GPR83: variants seen among roughly 807,000 people sequenced by gnomAD.
GPR83 encodes G-protein coupled receptor 72.
GPR83 carries 23 observed loss-of-function variants against 28.0 expected under a neutral mutation model. The ratio of observed to expected loss-of-function variants is 0.82; its 90% CI spans 0.59 to 1.16. The LOEUF is 1.16. GPR83 is among the 50% of genes most tolerant of loss of function. GPR83 has a pLI of 0.00. For synonymous variants in GPR83, 234 were observed against 215.4 expected, an observed-to-expected ratio of 1.09 and a Z score of -0.76; for missense variants, 610 against 536.6, an observed-to-expected ratio of 1.14 and a Z score of -1.35.
chr11:94,381,821 A>T (rs918556710), intron 3 of GPR83, among the ~76,000 whole-genome samples: 8 of 152,144 alleles, frequency 5.3e-5, no homozygotes, highest in Non-Finnish European at 7.4e-5. Context: ...GAGAAATAGG[A>T]AAGCCCAGTT....
At chr11:94,397,754 G>T (rs1944879448) in intron 1 of GPR83, among the ~76,000 whole-genome samples, 2 of 152,204 alleles carry the variant, frequency 1.3e-5, no homozygotes, top group African/African-American at 4.8e-5. Context: ...ACTGAAGAGG[G>T]ATTTGCACAT....
intron 3 of GPR83, among the ~76,000 whole-genome samples, chr11:94,383,299 C>T (rs1311107266): frequency 6.6e-6 from 1 of 152,004 alleles, no homozygotes; most frequent in Non-Finnish European, 1.5e-5. Context: ...AGAATGAAGA[C>T]ACAACGTACC....
intron 3 of GPR83, among the ~76,000 whole-genome samples, chr11:94,385,689 G>T (rs1239378447): frequency 6.6e-6 from 1 of 152,186 alleles, no homozygotes; most frequent in Non-Finnish European, 1.5e-5. Flanking sequence ...CAAGAAATAT[G>T]GGACTATGCG....
rs755990816 is a variant in GPR83 at position 94,400,872 on chromosome 11, G to C, written c.376C>G (p.Pro126Ala). The change falls in exon 1 of 4, where the codon CCC becomes GCC. Residue 126 changes from proline (P) to alanine (A), a missense_variant. Transcript: ENST00000243673. ...AGCGGGCCCCTTACCAAAGTGAAGG[G>C]GGTGTTGAGCAGCGTGATCATTATG... ...ADIMITLLNT[P>A]FTLVRFVNST... 7.4e-6 allele frequency: 12 copies of C among 1,613,858 alleles called. No individual in the cohort carries two copies. The highest frequency in any genetic ancestry group is 1.6e-4 in the Middle Eastern group (1 of 6,080).
chr11:94,395,585 G>A (rs1467578970), intron 2 of GPR83, among the ~76,000 whole-genome samples: 7 of 152,182 alleles, frequency 4.6e-5, no homozygotes, highest in South Asian at 2.1e-4. Context: ...AGGTCTAAGC[G>A]TACAACGTGA....
intron 3 of GPR83, among the ~76,000 whole-genome samples, chr11:94,392,739 T>C (rs1944829371): frequency 6.6e-6 from 1 of 151,952 alleles, no homozygotes; most frequent in Admixed American, 6.6e-5. Context: ...GGCAGGAGAA[T>C]TGCTTGAACC....
rs563754214 is a variant in GPR83, at chr11:94,399,720, A to C, written c.387+1141T>G. Among the ~76,000 whole-genome samples the C allele has an allele frequency of 2.0e-5, 3 of 152,356 alleles. No individual in the cohort carries two copies. In the East Asian group the frequency reaches 5.8e-4, roughly 29 times the overall value. The stretch of plus-strand genomic sequence containing the variant: ...CAAGGAGACAGACAGAGAGGGATTA[A>C]TAGATATTGCTTTAGTAATCACTCA... On this transcript the variant is annotated intron_variant, in intron 1 of 3. Coordinates refer to ENST00000243673, the MANE Select transcript of GPR83 (RefSeq NM_016540.4).
At position 94,380,761 on chromosome 11, in the gene GPR83, C is replaced by T. The variant is rs746724157; in HGVS notation, c.660G>A (p.Val220=). The change falls in exon 4 of 4, where the codon GTG becomes GTA. Residue 220 remains valine, a synonymous_variant. Transcript: ENST00000243673. ...GGAAGTCTGGCAGGCAGAGGGAGCGCACAATGTCCTCACTGGGGGCAGGAA... is the reference window on the plus strand; with the variant it reads ...GGAAGTCTGGCAGGCAGAGGGAGCGTACAATGTCCTCACTGGGGGCAGGAA... ...LFTFKYSEDI[V]RSLCLPDFPE... 26 of 1,608,504 alleles carry T rather than the reference C, an allele frequency of 1.6e-5. No homozygotes were observed. Among genetic ancestry groups the T allele is most frequent in the Admixed American group, 5.0e-5 (3 of 59,824 alleles).
chr11:94,396,589 G>C, intron 1 of GPR83, 65 bp from the exon 2 acceptor site: 1 of 1,559,542 alleles, frequency 6.4e-7, no homozygotes, highest in East Asian at 2.3e-5. Context: ...ATCCCTAGAG[G>C]TCTCTGAGGA....
intron 3 of GPR83, among the ~76,000 whole-genome samples, chr11:94,390,983 C>T (rs536310400): frequency 3.9e-5 from 6 of 152,242 alleles, no homozygotes; most frequent in East Asian, 1.9e-4. Flanking sequence ...CTTTAAAATT[C>T]GTATGGAACC....
intron 3 of GPR83, among the ~76,000 whole-genome samples, chr11:94,384,173 G>T (rs529802010): frequency 1.3e-5 from 2 of 152,184 alleles, no homozygotes; most frequent in East Asian, 1.9e-4. Flanking sequence ...ATGCAAGGCT[G>T]GTTCAACATA....
In GPR83 at chr11:94,397,352, T is replaced by C. The variant is rs544509313; in HGVS notation, c.388-828A>G. 3.9e-5 allele frequency among the ~76,000 whole-genome samples: 6 copies of C among 152,332 alleles called. No individual in the cohort carries two copies. In the East Asian group the frequency reaches 9.6e-4, roughly 24 times the overall value. The stretch of plus-strand genomic sequence containing the variant: ...GAGCATTGATTCTGATTAAGGAGTT[T>C]GCAGCCAGGGCAGAGGCGGGCTCAA... On this transcript the variant is annotated intron_variant, in intron 1 of 3. Coordinates refer to ENST00000243673, the MANE Select transcript of GPR83 (RefSeq NM_016540.4).
At chr11:94,400,500 A>G (rs1487589206) in intron 1 of GPR83, among the ~76,000 whole-genome samples, 3 of 151,178 alleles carry the variant, frequency 2.0e-5, no homozygotes, top group East Asian at 3.9e-4. Flanking sequence ...AGAAAAAGAG[A>G]TAACAGGTGA....
intron 3 of GPR83, among the ~76,000 whole-genome samples, chr11:94,391,772 G>A (rs1944819495): frequency 1.3e-5 from 2 of 152,160 alleles, no homozygotes; most frequent in South Asian, 4.1e-4. Context: ...ATTACAATGA[G>A]ATACAATCTC....
At position 94,377,789 on chromosome 11, in the gene GPR83, G is replaced by A. The variant is rs1274088329; in HGVS notation, c.*2360C>T. 3 of 152,166 alleles carry A rather than the reference G, an allele frequency of 2.0e-5. No individual in the cohort carries two copies. Among genetic ancestry groups the A allele is most frequent in the Non-Finnish European group, 4.4e-5 (3 of 68,022 alleles). 9.4% of individuals were successfully genotyped at this position (152,166 alleles called of 1,614,324 possible). On this transcript the variant is annotated 3_prime_UTR_variant, in exon 4 of 4. Transcript: ENST00000243673. ...GAGCATTTAAGGTAGGCTTGGCTAA[G>A]CTACGATGTTCAGTAGGTTGGGTGT...
Position 94,380,545 on chromosome 11 carries a change from C to T in GPR83, c.876G>A (p.Lys292=). 1 of 1,614,134 alleles carries T rather than the reference C, an allele frequency of 6.2e-7. No individual in the cohort carries two copies. The highest frequency in any genetic ancestry group is 8.5e-7 in the Non-Finnish European group (1 of 1,179,974). The part of the protein sequence containing the change: ...ALRRKKKKTI[K]MLMLVVVLFA... Reference sequence around the variant, plus strand: ...AGAGGACTACCACCAGCATCAACATCTTGATGGTCTTCTTCTTTTTGCGCC... The same window carrying T: ...AGAGGACTACCACCAGCATCAACATTTTGATGGTCTTCTTCTTTTTGCGCC... Residue 292 remains lysine (K), a synonymous_variant, in exon 4 of 4, where the codon AAG becomes AAA. Transcript: ENST00000243673.
chr11:94,378,294 C>T lies in GPR83; in HGVS notation c.*1855G>A, dbSNP rs1464982624. ...AGCAAGTTCAGTTTCAGTTAACAGC[C>T]AAGAGGTCTAAGTGACAAACTCTTT... On this transcript the variant is annotated 3_prime_UTR_variant, in exon 4 of 4. Transcript: ENST00000243673. The T allele has an allele frequency of 6.6e-6, 1 of 152,194 alleles. No individual in the cohort carries two copies. The highest frequency in any genetic ancestry group is 6.5e-5 in the Admixed American group (1 of 15,276). The allele number at this position is 152,194 out of a possible 1,614,324, so 9.4% of individuals were successfully genotyped here.
At chr11:94,392,051 T>C (rs1944821992) in intron 3 of GPR83, among the ~76,000 whole-genome samples, 1 of 152,040 alleles carries the variant, frequency 6.6e-6, no homozygotes, top group Admixed American at 6.5e-5. Context: ...CTATTCACAA[T>C]AGCAAAGACT....
At chr11:94,390,230 T>C (rs1220023958) in intron 3 of GPR83, among the ~76,000 whole-genome samples, 9 of 151,806 alleles carry the variant, frequency 5.9e-5, no homozygotes, top group East Asian at 1.9e-4. Context: ...AATGATGAGT[T>C]AATGGGTGCA....
Sources: gnomAD v4.1 joint callset for allele counts (sites outside exome capture counted in the v4.1 genomes callset) on GRCh38, gnomAD v4.1.1 for gene constraint, MANE v1.5 for transcripts, NCBI Gene and HGNC (gene_info 2026-07-23, HGNC 2026-07-21) for gene names.